Variants in RELN observed in about 807,000 individuals in gnomAD.
RELN encodes reelin.
A neutral mutation model predicts 427.6 loss-of-function variants in RELN; 108 were observed. That is an observed-to-expected ratio of 0.25 (90% CI 0.22 to 0.30). The LOEUF (loss-of-function observed/expected upper bound fraction) is 0.30. RELN is among the 10% of genes least tolerant of loss of function. The pLI is 1.00. For synonymous variants in RELN, 1,524 were observed against 1,513.4 expected (o/e 1.01, Z -0.16); for missense variants, 3,715 against 4,302.8 (o/e 0.86, Z 3.82).
rs79764627 is a variant in RELN, at chr7:103,605,566, T to A, written c.3009-1083A>T. Among the ~76,000 whole-genome samples the A allele has an allele frequency of 7.7e-3, 1,176 of 152,344 alleles. 23 individuals carry two copies. Among genetic ancestry groups the A allele is most frequent in the African/African-American group, 0.027 (1,110 of 41,576 alleles). ...AAAATTATAGCATATTTTTCACCTG[T>A]AGGAATTTTCAGGGACCTGTGGTTC... On this transcript the variant is annotated intron_variant, in intron 22 of 64. Transcript: ENST00000428762.
intron 28 of RELN, among the ~76,000 whole-genome samples, chr7:103,582,183 T>C (rs1584316152): frequency 2.6e-5 from 4 of 152,350 alleles, no homozygotes; most frequent in Middle Eastern, 3.4e-3. Context: ...GGAAGTCAGG[T>C]GTTCAGGATG....
chr7:103,506,620 A>C (rs750545815), intron 51 of RELN, among the ~76,000 whole-genome samples: 42 of 147,186 alleles, frequency 2.9e-4, no homozygotes, highest in South Asian at 6.6e-4. Context: ...CCAAATTGTA[A>C]AGACCATTGA....
At chr7:103,765,704 T>C (rs1327559263) in intron 4 of RELN, among the ~76,000 whole-genome samples, 3 of 152,166 alleles carry the variant, frequency 2.0e-5, no homozygotes, top group Non-Finnish European at 4.4e-5. Context: ...TCCTTCAAAA[T>C]ATGGAGGAAT....
intron 1 of RELN, among the ~76,000 whole-genome samples, chr7:103,955,521 A>C (rs923457214): frequency 6.6e-6 from 1 of 152,242 alleles, no homozygotes; most frequent in Non-Finnish European, 1.5e-5. Context: ...TTTCAATACC[A>C]GGACTTACAA....
intron 5 of RELN, among the ~76,000 whole-genome samples, chr7:103,750,732 T>C (rs1250404242): frequency 6.6e-6 from 1 of 152,212 alleles, no homozygotes; most frequent in Non-Finnish European, 1.5e-5. Context: ...TGTTTTTAAA[T>C]TTGTGAACTT....
intron 1 of RELN, among the ~76,000 whole-genome samples, chr7:103,937,323 G>C (rs1269350311): frequency 6.6e-6 from 1 of 152,252 alleles, no homozygotes; most frequent in Non-Finnish European, 1.5e-5. Flanking sequence ...ACAGGCCAAT[G>C]TGTCTCACAG....
chr7:103,668,709 T>C (rs1428830046), intron 11 of RELN, among the ~76,000 whole-genome samples: 4 of 152,212 alleles, frequency 2.6e-5, no homozygotes, highest in Non-Finnish European at 5.9e-5. Flanking sequence ...CAGCTCTTAA[T>C]AGTATTGCAT....
At chr7:103,595,760 T>C (rs1831522538) in intron 25 of RELN, among the ~76,000 whole-genome samples, 1 of 151,984 alleles carries the variant, frequency 6.6e-6, no homozygotes, top group Non-Finnish European at 1.5e-5. Flanking sequence ...ATAATATCAT[T>C]GAATAGACTT....
rs776947287 is a variant in RELN at position 103,824,207 on chromosome 7, CTTA to C, written c.473+9327_473+9329del. Among the ~76,000 whole-genome samples the C allele has an allele frequency of 1.3e-5, 2 of 148,476 alleles. No homozygotes were observed. Among genetic ancestry groups the C allele is most frequent in the Non-Finnish European group, 1.5e-5 (1 of 67,942 alleles). ...TCTGCCATTATCTCTTCAAATTTGT[CTTA>C]TTATTTTTATTCTCTCCTTCTAAAA... On this transcript the variant is annotated intron_variant, in intron 3 of 64. Coordinates refer to ENST00000428762, the MANE Select transcript of RELN (RefSeq NM_005045.4). This position sits in a 1 kb window ranked among gnomAD's most constrained non-coding sequence, Gnocchi z 4.4.
intron 64 of RELN, among the ~76,000 whole-genome samples, chr7:103,475,377 C>T (rs770230274): frequency 6.6e-5 from 10 of 152,126 alleles, no homozygotes; most frequent in Non-Finnish European, 1.0e-4. Flanking sequence ...CTGCCTGACC[C>T]GTGCATGGGT....
chr7:103,718,786 C>A (rs1269026397), intron 8 of RELN, among the ~76,000 whole-genome samples: 1 of 152,102 alleles, frequency 6.6e-6, no homozygotes, highest in Non-Finnish European at 1.5e-5. Context: ...GTCTGGCAAG[C>A]CAAACTATTT....
At chr7:103,766,141 G>C (rs1031259387) in intron 4 of RELN, among the ~76,000 whole-genome samples, 1 of 152,132 alleles carries the variant, frequency 6.6e-6, no homozygotes, top group Non-Finnish European at 1.5e-5. Flanking sequence ...AAGCAAGATC[G>C]GGGGTTCCTG....
intron 6 of RELN, 41 bp downstream of exon 6, chr7:103,749,385 A>T: frequency 6.8e-7 from 1 of 1,465,772 alleles, no homozygotes; most frequent in Non-Finnish European, 9.6e-7. Flanking sequence ...ATCATTTGTT[A>T]CATTAAGCAA....
chr7:103,594,283 A>G (rs1234128147), intron 26 of RELN, 38 bp downstream of exon 26: 4 of 1,571,706 alleles, frequency 2.5e-6, no homozygotes, highest in Non-Finnish European at 3.5e-6. Flanking sequence ...CACTTTTATA[A>G]TTATCTGTCT....
chr7:103,646,202 A>T (rs1478704812), intron 16 of RELN, among the ~76,000 whole-genome samples: 1 of 151,830 alleles, frequency 6.6e-6, no homozygotes, highest in African/African-American at 2.4e-5. Context: ...ATAATATTGC[A>T]CCTCAGGGAA....
intron 37 of RELN, among the ~76,000 whole-genome samples, 171 bp from the exon 38 acceptor site, chr7:103,557,330 T>C (rs1830547416): frequency 6.6e-6 from 1 of 152,234 alleles, no homozygotes; most frequent in African/African-American, 2.4e-5. Flanking sequence ...TTGGGCTTTC[T>C]GTATATCTCG....
intron 8 of RELN, among the ~76,000 whole-genome samples, chr7:103,703,297 A>G (rs1394446100): frequency 6.6e-6 from 1 of 152,182 alleles, no homozygotes; most frequent in Non-Finnish European, 1.5e-5. Flanking sequence ...AGCTGTATGT[A>G]TAACTAGGTA....
chr7:103,473,295 A>G (rs1169869803), intron 64 of RELN, among the ~76,000 whole-genome samples: 2 of 152,224 alleles, frequency 1.3e-5, no homozygotes, highest in Non-Finnish European at 2.9e-5. Context: ...ATTTAAATAT[A>G]TCTTTAACAA....
chr7:103,878,137 G>A (rs1236970728), intron 2 of RELN, among the ~76,000 whole-genome samples: 1 of 152,038 alleles, frequency 6.6e-6, no homozygotes, highest in Non-Finnish European at 1.5e-5. Context: ...GATTACAGGC[G>A]TGAGCAACTG....
Sources: gnomAD v4.1 joint callset for allele counts (sites outside exome capture counted in the v4.1 genomes callset) on GRCh38, gnomAD v4.1.1 for gene constraint, Gnocchi (gnomAD v3.1) non-coding constraint, MANE v1.5 for transcripts, NCBI Gene and HGNC (gene_info 2026-07-23, HGNC 2026-07-21) for gene names.